NR6A1: variants seen among roughly 807,000 people sequenced by gnomAD.
NR6A1 encodes the protein nuclear receptor subfamily 6 group A member 1.
Under a neutral mutation model 59.1 loss-of-function variants are expected in NR6A1, and 7 were observed. The observed-to-expected ratio is 0.12, with a 90% CI of 0.07 to 0.22. The LOEUF is 0.22. NR6A1 is among the 10% of genes least tolerant of loss of function. NR6A1 has a pLI of 1.00. For missense variants in NR6A1, 468 were observed against 611.6 expected (o/e 0.77, Z 2.48); for synonymous variants, 243 against 236.1 (o/e 1.03, Z -0.27).
At chr9:124,532,376 C>T (rs1367626562) in intron 7 of NR6A1, among the ~76,000 whole-genome samples, 3 of 152,168 alleles carry the variant, frequency 2.0e-5, no homozygotes, top group South Asian at 2.1e-4. Context: ...TGTGAACAGA[C>T]GTACTCACTC....
chr9:124,663,087 T>C (rs1482493725), intron 2 of NR6A1, among the ~76,000 whole-genome samples: 7 of 152,240 alleles, frequency 4.6e-5, no homozygotes, highest in Non-Finnish European at 7.3e-5. Context: ...CCAAGAAACA[T>C]TTTAAACAAT....
At chr9:124,627,233 A>G (rs1836271032) in intron 2 of NR6A1, among the ~76,000 whole-genome samples, 1 of 152,232 alleles carries the variant, frequency 6.6e-6, no homozygotes, top group African/African-American at 2.4e-5. Flanking sequence ...CCTAGAATGT[A>G]GTGTAACTGA....
chr9:124,598,795 C>A (rs915005911), intron 2 of NR6A1: 3 of 896,882 alleles, frequency 3.3e-6, no homozygotes, highest in Admixed American at 1.8e-5. Flanking sequence ...TCGGCATGAT[C>A]GCTTTTTTGC....
chr9:124,528,023 A>G (rs1284902061), intron 7 of NR6A1, among the ~76,000 whole-genome samples: 1 of 152,258 alleles, frequency 6.6e-6, no homozygotes, highest in Non-Finnish European at 1.5e-5. Flanking sequence ...GAAGCAGCTT[A>G]GCTTCAGGCA....
chr9:124,704,612 G>A (rs149285937), intron 2 of NR6A1, among the ~76,000 whole-genome samples: 130 of 152,242 alleles, frequency 8.5e-4, no homozygotes, highest in Middle Eastern at 3.4e-3. Flanking sequence ...GGACGCTTAC[G>A]TTAGTGCTTT....
chr9:124,530,285 A>C (rs1008352217), intron 7 of NR6A1, among the ~76,000 whole-genome samples: 1 of 152,132 alleles, frequency 6.6e-6, no homozygotes, highest in Non-Finnish European at 1.5e-5. Context: ...GGGGGCTGGC[A>C]GCCAGCCTAG....
At chr9:124,752,978 G>C (rs1840547857) in intron 1 of NR6A1, among the ~76,000 whole-genome samples, 6 of 152,126 alleles carry the variant, frequency 3.9e-5, no homozygotes, top group Admixed American at 3.9e-4. Context: ...GGGTACCTAG[G>C]CAGTAAGGCC....
chr9:124,725,446 T>C (rs1017314900), intron 2 of NR6A1, among the ~76,000 whole-genome samples: 2 of 151,930 alleles, frequency 1.3e-5, no homozygotes, highest in Non-Finnish European at 2.9e-5. Context: ...AGTCAGTCTT[T>C]CCTCAACTAG....
intron 2 of NR6A1, among the ~76,000 whole-genome samples, chr9:124,715,283 G>A (rs1314279728): frequency 1.3e-5 from 2 of 152,094 alleles, no homozygotes; most frequent in African/African-American, 4.8e-5. Flanking sequence ...AGTGCTTTGG[G>A]AGGCTGAGGT....
At chr9:124,547,783 T>C (rs1004895676) in intron 3 of NR6A1, among the ~76,000 whole-genome samples, 2 of 152,064 alleles carry the variant, frequency 1.3e-5, no homozygotes, top group African/African-American at 2.4e-5. Flanking sequence ...AAATCGACAA[T>C]GTTAATAAAG....
intron 2 of NR6A1, among the ~76,000 whole-genome samples, chr9:124,680,843 C>A (rs1838130270): frequency 6.6e-6 from 1 of 152,134 alleles, no homozygotes. Flanking sequence ...CATTATTTGC[C>A]TTTTTCACTA....
At chr9:124,687,033 T>C (rs536408550) in intron 2 of NR6A1, among the ~76,000 whole-genome samples, 1 of 152,180 alleles carries the variant, frequency 6.6e-6, no homozygotes, top group East Asian at 1.9e-4. Flanking sequence ...TTGAAGTATG[T>C]GTCCCATTTG....
At chr9:124,647,812 C>T (rs1437747444) in intron 2 of NR6A1, among the ~76,000 whole-genome samples, 1 of 151,116 alleles carries the variant, frequency 6.6e-6, no homozygotes, top group South Asian at 2.1e-4. Context: ...AAGAAAGAGG[C>T]AGTAATAAAA....
chr9:124,719,615 C>T (rs886190426), intron 2 of NR6A1, among the ~76,000 whole-genome samples: 2 of 151,946 alleles, frequency 1.3e-5, no homozygotes, highest in South Asian at 2.1e-4. Context: ...TAAGAGTATA[C>T]GCTCATTTAA....
chr9:124,659,525 T>C (rs1837365989), intron 2 of NR6A1, among the ~76,000 whole-genome samples: 1 of 152,096 alleles, frequency 6.6e-6, no homozygotes. Flanking sequence ...GGTGTGGAAA[T>C]TTTTTAGTGA....
chr9:124,740,311 G>A (rs945974181), intron 1 of NR6A1, among the ~76,000 whole-genome samples: 1 of 152,132 alleles, frequency 6.6e-6, no homozygotes, highest in Non-Finnish European at 1.5e-5. Context: ...TGAAACTATA[G>A]TTTTTCAGGG....
intron 2 of NR6A1, among the ~76,000 whole-genome samples, chr9:124,572,159 T>C (rs1420858964): frequency 6.6e-6 from 1 of 152,214 alleles, no homozygotes; most frequent in Admixed American, 6.5e-5. Flanking sequence ...AAGGCAGAGC[T>C]GGGACTACTG....
chr9:124,734,450 T>C (rs1382008440), intron 1 of NR6A1, among the ~76,000 whole-genome samples: 1 of 152,222 alleles, frequency 6.6e-6, no homozygotes, highest in Non-Finnish European at 1.5e-5. Context: ...CCCAGCACTC[T>C]GGGAGGCCAA....
chr9:124,617,666 C>G (rs1001845852), intron 2 of NR6A1, among the ~76,000 whole-genome samples: 1 of 152,096 alleles, frequency 6.6e-6, no homozygotes, highest in African/African-American at 2.4e-5. Flanking sequence ...CTAGAGTCCA[C>G]CAGCAGAGGG....
Sources: allele counts gnomAD v4.1 joint callset (sites outside exome capture counted in the v4.1 genomes callset), GRCh38; gene constraint gnomAD v4.1.1; transcripts MANE v1.5; gene names NCBI Gene and HGNC (gene_info 2026-07-23, HGNC 2026-07-21).